Variants in DNAJC7 observed in about 807,000 individuals in gnomAD.
DNAJC7 encodes dnaJ homolog subfamily C member 7.
Under a neutral mutation model 67.4 loss-of-function variants are expected in DNAJC7, and 18 were observed. The observed-to-expected ratio is 0.27, with a 90% CI of 0.18 to 0.40. The LOEUF is 0.40. DNAJC7 is among the 10% of genes least tolerant of loss of function. The pLI, the probability that DNAJC7 is intolerant of heterozygous loss-of-function variation, is 1.00. For missense variants in DNAJC7, 419 were observed against 613.8 expected (o/e 0.68, Z 3.35); for synonymous variants, 220 against 207.8 (o/e 1.06, Z -0.50).
chr17:42,001,262 T>C (rs571241545), intron 1 of DNAJC7, among the ~76,000 whole-genome samples: 8 of 152,300 alleles, frequency 5.3e-5, no homozygotes, highest in African/African-American at 1.9e-4. Flanking sequence ...ATCACAACAA[T>C]GTAGGTACTT....
At chr17:41,983,111 AC>A (rs1444253836) in intron 10 of DNAJC7, among the ~76,000 whole-genome samples, 24 of 151,770 alleles carry the variant, frequency 1.6e-4, no homozygotes, top group African/African-American at 5.1e-4. Context: ...ATATCTGTTC[AC>A]TTTTTTTTTC....
chr17:41,980,389 A>G (rs2051218298), intron 12 of DNAJC7, among the ~76,000 whole-genome samples: 1 of 151,102 alleles, frequency 6.6e-6, no homozygotes, highest in East Asian at 2.0e-4. Flanking sequence ...TGACTGAATT[A>G]ATTAATTAAT....
chr17:42,003,724 T>C (rs1156648463), intron 1 of DNAJC7, among the ~76,000 whole-genome samples: 2 of 151,872 alleles, frequency 1.3e-5, no homozygotes, highest in African/African-American at 4.8e-5. Context: ...TTAGGATTAA[T>C]TGGCTTCACC....
intron 1 of DNAJC7, among the ~76,000 whole-genome samples, chr17:42,010,770 C>T (rs1251216595): frequency 6.6e-6 from 1 of 152,178 alleles, no homozygotes; most frequent in Non-Finnish European, 1.5e-5. Context: ...ATGGTTAACA[C>T]TGCTTATCTG....
At chr17:41,998,387 G>A (rs1310485633) in intron 2 of DNAJC7, among the ~76,000 whole-genome samples, 10 of 152,144 alleles carry the variant, frequency 6.6e-5, no homozygotes, top group East Asian at 1.9e-4. Context: ...CATGAAAATC[G>A]CTTGAAACTA....
chr17:41,976,663 G>T lies in DNAJC7; in HGVS notation c.*70C>A. 6.3e-7 allele frequency: 1 copy of T among 1,580,208 alleles called. No homozygotes were observed. Among genetic ancestry groups the T allele is most frequent in the East Asian group, 2.2e-5 (1 of 44,676 alleles). On this transcript the variant is annotated 3_prime_UTR_variant, in exon 14 of 14. Transcript: ENST00000457167. ...CGGAGACGTGATGAAGGGAGGAGGTGAACTGTTTCCACATTCAAGATTAAA... is the reference window on the plus strand; with the variant it reads ...CGGAGACGTGATGAAGGGAGGAGGTTAACTGTTTCCACATTCAAGATTAAA...
chr17:42,004,331 G>A (rs1555649860), intron 1 of DNAJC7, among the ~76,000 whole-genome samples: 1 of 152,164 alleles, frequency 6.6e-6, no homozygotes, highest in Non-Finnish European at 1.5e-5. Flanking sequence ...AAGAGCTAGT[G>A]AGGCAACCAA....
At position 41,976,759 on chromosome 17, in the gene DNAJC7, C is replaced by G. The variant is rs782403406; in HGVS notation, c.1459G>C (p.Gly487Arg). The G allele has an allele frequency of 1.2e-6, 2 of 1,611,136 alleles. No homozygotes were observed. Among genetic ancestry groups the G allele is most frequent in the Non-Finnish European group, 1.7e-6 (2 of 1,179,408 alleles). ...GGFSFEASGPGNFFFQFG is the reference protein window; with the variant it reads ...GGFSFEASGPRNFFFQFG ...TAGCCAAATTGAAAAAAGAAATTCC[C>G]TGGACCAGATGCTGAAAGAGAAAAG... The change falls in exon 14 of 14, where the codon GGG becomes CGG. Residue 487 changes from glycine to arginine, a missense_variant. Transcript: ENST00000457167.
At chr17:42,007,708 G>A (rs1206444935) in intron 1 of DNAJC7, among the ~76,000 whole-genome samples, 1 of 151,584 alleles carries the variant, frequency 6.6e-6, no homozygotes, top group Non-Finnish European at 1.5e-5. Flanking sequence ...TATTTTAGTA[G>A]AGATGGGGTT....
At chr17:42,005,742 G>T (rs1239090073) in intron 1 of DNAJC7, among the ~76,000 whole-genome samples, 3 of 151,840 alleles carry the variant, frequency 2.0e-5, no homozygotes, top group Admixed American at 6.6e-5. Context: ...GTTTGATTTT[G>T]TTTTTTCTTT....
At position 41,988,896 on chromosome 17, in the gene DNAJC7, T is replaced by G. The variant is rs782694196; in HGVS notation, c.754A>C (p.Asn252His). 5.0e-6 allele frequency: 8 copies of G among 1,612,818 alleles called. No individual in the cohort carries two copies. The highest frequency in any genetic ancestry group is 5.9e-6 in the Non-Finnish European group (7 of 1,179,618). Reference protein sequence around the residue: ...DHEKACIACRNAKALKAKKED... With the variant: ...DHEKACIACRHAKALKAKKED... ...TTCTTTGCTTTGAGTGCTTTGGCATTCTACAGAAAAAAGCAAGGGGAGGAT... is the reference window on the plus strand; with the variant it reads ...TTCTTTGCTTTGAGTGCTTTGGCATGCTACAGAAAAAAGCAAGGGGAGGAT... The change falls in exon 8 of 14, where the codon AAT becomes CAT. Residue 252 changes from asparagine to histidine, a missense_variant and splice_region_variant. Physicochemically the swap from Asn to His is moderately conservative, Grantham distance 68. Transcript: ENST00000457167.
At position 41,994,856 on chromosome 17, in the gene DNAJC7, T is replaced by C. The variant is rs201328264; in HGVS notation, c.480+14A>G. ...ACAAAGAGCAGATGAGATTATCTCA[T>C]GGTTGTACTGTACCTTCCGAAAATC... On this transcript the variant is annotated intron_variant, in intron 5 of 13. Transcript: ENST00000457167. 13 of 1,613,166 alleles carry C rather than the reference T, an allele frequency of 8.1e-6. No individual in the cohort carries two copies. The highest frequency in any genetic ancestry group is 2.2e-5 in the East Asian group (1 of 44,872).
chr17:41,993,519 A>G (rs1484303900), intron 5 of DNAJC7, among the ~76,000 whole-genome samples: 2 of 152,166 alleles, frequency 1.3e-5, no homozygotes, highest in Non-Finnish European at 2.9e-5. Flanking sequence ...ATGCTACAAA[A>G]AGTACTGAGC....
intron 12 of DNAJC7, among the ~76,000 whole-genome samples, chr17:41,978,641 C>T (rs1397077032): frequency 6.6e-6 from 1 of 152,038 alleles, no homozygotes; most frequent in Non-Finnish European, 1.5e-5. Context: ...GGGTGGATCA[C>T]GAGGTCAGGA....
At chr17:41,982,764 G>A (rs111637825) in intron 10 of DNAJC7, among the ~76,000 whole-genome samples, 16,259 of 152,106 alleles carry the variant, frequency 0.11, 1,096 homozygotes, top group African/African-American at 0.2. Flanking sequence ...TTCGGGACTA[G>A]CCTGTCCAAC....
chr17:42,006,222 C>T (rs113590769), intron 1 of DNAJC7, among the ~76,000 whole-genome samples: 37 of 149,166 alleles, frequency 2.5e-4, no homozygotes, highest in South Asian at 1.5e-3. Flanking sequence ...GGCGCAATCT[C>T]GGCTCATTGC....
chr17:41,996,739 C>T (rs945733337), intron 3 of DNAJC7, among the ~76,000 whole-genome samples: 8 of 152,092 alleles, frequency 5.3e-5, no homozygotes, highest in East Asian at 1.9e-4. Flanking sequence ...GCCGAGATCG[C>T]GCCACTGCAC....
rs1555645049 is a variant in DNAJC7 at position 41,977,262 on chromosome 17, T to G, written c.1446A>C (p.Glu482Asp). Residue 482 changes from glutamate (E) to aspartate (D), a missense_variant and splice_region_variant, in exon 13 of 14, where the codon GAA (glutamate) becomes GAC (aspartate). Physicochemically the swap from Glu to Asp is conservative, Grantham distance 45. This residue lies in a region of DNAJC7 where 161 missense variants were observed against 252.2 expected (regional missense o/e 0.64). Coordinates refer to ENST00000457167, the MANE Select transcript of DNAJC7 (RefSeq NM_003315.4). ...FFGGPGGFSF[E>D]ASGPGNFFFQ... ...CCCAAGAACAGCAGGCCCACCTACC[T>G]TCAAAGCTGAAGCCGCCAGGACCGC... 6.3e-7 allele frequency: 1 copy of G among 1,579,622 alleles called. No homozygotes were observed. The highest frequency in any genetic ancestry group is 1.2e-5 in the South Asian group (1 of 85,840).
chr17:42,012,310 C>T (rs191828951), intron 1 of DNAJC7, among the ~76,000 whole-genome samples: 375 of 152,298 alleles, frequency 2.5e-3, no homozygotes, highest in Middle Eastern at 0.017. Context: ...TGGTAAAACT[C>T]CGTCTCTATT....
Sources: allele counts gnomAD v4.1 joint callset (sites outside exome capture counted in the v4.1 genomes callset), GRCh38; gene constraint gnomAD v4.1.1; regional missense constraint gnomAD v4.1.1; transcripts MANE v1.5; gene names NCBI Gene and HGNC (gene_info 2026-07-23, HGNC 2026-07-21).